The following LRFN5 variants were observed in gnomAD, a reference collection of about 807,000 sequenced individuals.
The protein encoded by LRFN5 is leucine rich repeat and fibronectin type III domain containing 5.
LRFN5 carries 24 observed loss-of-function variants against 45.6 expected under a neutral mutation model. That is an observed-to-expected ratio of 0.53 (90% CI 0.38 to 0.74). The LOEUF (loss-of-function observed/expected upper bound fraction) is 0.74, where lower values mean the gene tolerates loss of function less well. Ranked by LOEUF, LRFN5 falls within the 30% of genes least tolerant of loss-of-function variation. LRFN5 has a pLI of 0.00. For synonymous variants in LRFN5, 340 were observed against 313.8 expected, an observed-to-expected ratio of 1.08 and a Z score of -0.88; for missense variants, 776 against 861.5, an observed-to-expected ratio of 0.90 and a Z score of 1.24.
chr14:41,888,636 CG>C (rs1354997918), intron 3 of LRFN5, among the ~76,000 whole-genome samples: 1 of 151,692 alleles, frequency 6.6e-6, no homozygotes, highest in East Asian at 1.9e-4. Flanking sequence ...GGTATGTGTG[CG>C]TGTGTCTGTG....
At chr14:41,772,614 C>G (rs927056791) in intron 2 of LRFN5, among the ~76,000 whole-genome samples, 1 of 152,172 alleles carries the variant, frequency 6.6e-6, no homozygotes, top group African/African-American at 2.4e-5. Flanking sequence ...TATAATGGCT[C>G]TCACAAATTT....
chr14:41,829,351 A>G (rs1393140220), intron 2 of LRFN5, among the ~76,000 whole-genome samples: 1 of 151,606 alleles, frequency 6.6e-6, no homozygotes. Context: ...GATCATGAGT[A>G]CTCAAATCCA....
At chr14:41,897,335 T>A (rs1252727180) in intron 4 of LRFN5, among the ~76,000 whole-genome samples, 1 of 151,814 alleles carries the variant, frequency 6.6e-6, no homozygotes, top group Non-Finnish European at 1.5e-5. Context: ...AATCACTGAT[T>A]TCTCTGGTAA....
intron 1 of LRFN5, among the ~76,000 whole-genome samples, chr14:41,644,335 TA>T (rs1879714632): frequency 6.6e-6 from 1 of 152,226 alleles, no homozygotes; most frequent in Admixed American, 6.5e-5. Flanking sequence ...ATTTATTAGA[TA>T]ATGTCTTACA....
chr14:41,620,532 T>C (rs1367535018), intron 1 of LRFN5, among the ~76,000 whole-genome samples: 1 of 152,068 alleles, frequency 6.6e-6, no homozygotes, highest in Non-Finnish European at 1.5e-5. Flanking sequence ...TGTTTTCTAT[T>C]TGGGAAAATT....
intron 2 of LRFN5, among the ~76,000 whole-genome samples, chr14:41,839,233 GA>G (rs1888772659): frequency 1.3e-5 from 2 of 152,036 alleles, no homozygotes; most frequent in African/African-American, 4.8e-5. Flanking sequence ...TCTCAGAGTA[GA>G]AATCGAAGTG....
intron 2 of LRFN5, among the ~76,000 whole-genome samples, chr14:41,785,987 C>A (rs1325147631): frequency 6.6e-6 from 1 of 152,044 alleles, no homozygotes; most frequent in Non-Finnish European, 1.5e-5. Flanking sequence ...TTAAACAGAA[C>A]AGGCCACTGA....
intron 1 of LRFN5, among the ~76,000 whole-genome samples, chr14:41,649,665 C>A (rs1224563889): frequency 6.6e-6 from 1 of 152,148 alleles, no homozygotes; most frequent in Non-Finnish European, 1.5e-5. Flanking sequence ...TCCTCATCCT[C>A]CACATCCCCA....
chr14:41,725,912 A>C (rs1488132317), intron 1 of LRFN5, among the ~76,000 whole-genome samples: 1 of 152,208 alleles, frequency 6.6e-6, no homozygotes, highest in Non-Finnish European at 1.5e-5. Flanking sequence ...AACATGTTAG[A>C]AAATGTTACT....
chr14:41,865,101 T>A (rs1011856857), intron 2 of LRFN5, among the ~76,000 whole-genome samples: 4 of 152,126 alleles, frequency 2.6e-5, no homozygotes, highest in African/African-American at 7.2e-5. Flanking sequence ...TGCCATTCAA[T>A]CTCCTCATTA....
chr14:41,894,728 G>A lies in LRFN5; in HGVS notation c.2098+2766G>A, dbSNP rs563308753. ...AATTGTTGCTTAGATGAATGAATGA[G>A]TAAATGAATAGGTAAATATGGCCAT... On this transcript the variant is annotated intron_variant, in intron 4 of 5. Transcript: ENST00000298119. 528 of 984,688 alleles carry A rather than the reference G, an allele frequency of 5.4e-4. 3 individuals carry two copies. The African/African-American group carries it at 8.1e-3, about 15-fold the overall frequency. The allele number at this position is 984,688 out of a possible 1,614,324, so 61.0% of individuals were successfully genotyped here.
At chr14:41,893,332 T>C (rs1890843806) in intron 4 of LRFN5, 2 of 957,372 alleles carry the variant, frequency 2.1e-6, no homozygotes. Flanking sequence ...CTTAATTATA[T>C]AATAATTTGA....
intron 2 of LRFN5, among the ~76,000 whole-genome samples, chr14:41,773,561 G>GTC (rs376391727): frequency 2.1e-4 from 32 of 149,954 alleles, no homozygotes; most frequent in South Asian, 8.5e-4. Flanking sequence ...CTCTCTCTTT[G>GTC]TCTCTCTCTC....
chr14:41,634,960 C>T (rs964218310), intron 1 of LRFN5, among the ~76,000 whole-genome samples: 3 of 151,866 alleles, frequency 2.0e-5, no homozygotes, highest in Non-Finnish European at 4.4e-5. Flanking sequence ...AACATAATTA[C>T]ATTTAAACAG....
At chr14:41,825,170 G>A (rs1268240917) in intron 2 of LRFN5, among the ~76,000 whole-genome samples, 2 of 152,142 alleles carry the variant, frequency 1.3e-5, no homozygotes, top group African/African-American at 4.8e-5. Flanking sequence ...CTCTGTTCAA[G>A]CCCTGGCCCA....
At chr14:41,889,114 C>CTCTCTA (rs769783162) in intron 3 of LRFN5, among the ~76,000 whole-genome samples, 24 of 147,020 alleles carry the variant, frequency 1.6e-4, no homozygotes, top group East Asian at 6.0e-4. Flanking sequence ...ATATATGTCT[C>CTCTCTA]TATATATATA....
intron 2 of LRFN5, among the ~76,000 whole-genome samples, chr14:41,821,689 A>G (rs1888117819): frequency 1.4e-5 from 2 of 140,774 alleles, no homozygotes. Context: ...TTTTTGAAAC[A>G]GTTTCAGTAG....
intron 1 of LRFN5, among the ~76,000 whole-genome samples, chr14:41,728,297 T>C (rs1884020114): frequency 6.6e-6 from 1 of 152,062 alleles, no homozygotes; most frequent in African/African-American, 2.4e-5. Context: ...AGTTACAGAC[T>C]AACAACTTAA....
intron 1 of LRFN5, among the ~76,000 whole-genome samples, chr14:41,609,956 C>A (rs1029639401): frequency 5.3e-5 from 8 of 152,264 alleles, no homozygotes; most frequent in African/African-American, 1.7e-4. Context: ...TCCCTGCGCA[C>A]TGACGTCCCC....
Sources: allele counts gnomAD v4.1 joint callset (sites outside exome capture counted in the v4.1 genomes callset), GRCh38; gene constraint gnomAD v4.1.1; transcripts MANE v1.5; gene names NCBI Gene and HGNC (gene_info 2026-07-23, HGNC 2026-07-21).